FBXL20: variants seen among roughly 807,000 people sequenced by gnomAD.
FBXL20 encodes F-box/LRR-repeat protein 20.
A neutral mutation model predicts 64.0 loss-of-function variants in FBXL20; 11 were observed. That is an observed-to-expected ratio of 0.17 (90% CI 0.11 to 0.28). FBXL20 has a LOEUF of 0.28. Ranked by LOEUF, FBXL20 falls within the 10% of genes least tolerant of loss-of-function variation. The probability of loss-of-function intolerance (pLI) is 1.00; values close to 1 mark genes in which losing one functional copy is unlikely to be tolerated. For missense variants in FBXL20, 303 were observed against 526.2 expected (o/e 0.58, Z 4.15); for synonymous variants, 184 against 189.0 (o/e 0.97, Z 0.22).
intron 1 of FBXL20, among the ~76,000 whole-genome samples, chr17:39,354,577 G>T (rs2047718272): frequency 6.6e-6 from 1 of 152,164 alleles, no homozygotes; most frequent in African/African-American, 2.4e-5. Flanking sequence ...CTAAACTAGT[G>T]CCTAGGAATC....
chr17:39,301,421 T>C (rs2047133618), intron 3 of FBXL20, among the ~76,000 whole-genome samples: 1 of 152,010 alleles, frequency 6.6e-6, no homozygotes, highest in Non-Finnish European at 1.5e-5. Flanking sequence ...CCAGACCCGA[T>C]CCCTATAAAA....
Position 39,329,888 on chromosome 17 carries a change from C to A in FBXL20, c.104+13292G>T, listed in dbSNP as rs1237437271. On this transcript the variant is annotated intron_variant, in intron 2 of 14. Transcript: ENST00000264658. ...TGGCACATGCCTGTAGCCCTAGCTACTAGGCTGGAATGGGAGAATTGCTTG... is the reference window on the plus strand; with the variant it reads ...TGGCACATGCCTGTAGCCCTAGCTAATAGGCTGGAATGGGAGAATTGCTTG... Among the ~76,000 whole-genome samples, 3 of 152,158 alleles carry A rather than the reference C, an allele frequency of 2.0e-5. No individual in the cohort carries two copies. The East Asian group carries it at 5.8e-4, about 29-fold the overall frequency.
intron 1 of FBXL20, among the ~76,000 whole-genome samples, chr17:39,347,126 T>C (rs2047641436): frequency 6.6e-6 from 1 of 152,226 alleles, no homozygotes; most frequent in Non-Finnish European, 1.5e-5. Flanking sequence ...GTCCTTGCTA[T>C]TGTGAATAGT....
intron 2 of FBXL20, among the ~76,000 whole-genome samples, chr17:39,306,060 G>A (rs1291110072): frequency 1.3e-5 from 2 of 152,164 alleles, no homozygotes; most frequent in East Asian, 1.9e-4. Flanking sequence ...AGCTACTTGG[G>A]AAGCTGATGT....
At chr17:39,354,112 G>C (rs2047714006) in intron 1 of FBXL20, among the ~76,000 whole-genome samples, 1 of 152,044 alleles carries the variant, frequency 6.6e-6, no homozygotes. Context: ...TCACATTCTG[G>C]CATCTGTGAA....
chr17:39,401,659 T>G, upstream of FBXL20: 3 of 1,195,474 alleles, frequency 2.5e-6, no homozygotes, highest in African/African-American at 1.7e-5. Flanking sequence ...ACAAAAACAC[T>G]CCCCACCTGC....
chr17:39,287,391 G>T (rs565241673), intron 6 of FBXL20, among the ~76,000 whole-genome samples: 2 of 151,976 alleles, frequency 1.3e-5, no homozygotes, highest in Non-Finnish European at 2.9e-5. Flanking sequence ...CTTTGTGTGG[G>T]CCAATGTTTT....
intron 1 of FBXL20, among the ~76,000 whole-genome samples, chr17:39,364,287 C>T (rs2144622006): frequency 6.6e-6 from 1 of 152,258 alleles, no homozygotes; most frequent in South Asian, 2.1e-4. Context: ...CCCCTTGAAT[C>T]TAGGTTGACA....
chr17:39,402,113 G>C, upstream of FBXL20: 1 of 1,223,958 alleles, frequency 8.2e-7, no homozygotes, highest in Non-Finnish European at 1.0e-6. Flanking sequence ...TTGTTCCCCA[G>C]GATCCTGTAA....
At position 39,319,077 on chromosome 17, in the gene FBXL20, C is replaced by T. The variant is rs988556233; in HGVS notation, c.105-15438G>A. On this transcript the variant is annotated intron_variant, in intron 2 of 14. Transcript: ENST00000264658. ...CAGCCTGGCCAACATGGTGAAACCC[C>T]GTCTCTACTAAAAATACAAAAATTA... Among the ~76,000 whole-genome samples, 15 of 151,852 alleles carry T rather than the reference C, an allele frequency of 9.9e-5. No homozygotes were observed. In the East Asian group the frequency reaches 2.5e-3, roughly 26 times the overall value.
At chr17:39,345,074 CAT>C (rs981839046) in intron 1 of FBXL20, among the ~76,000 whole-genome samples, 6 of 152,304 alleles carry the variant, frequency 3.9e-5, no homozygotes, top group East Asian at 3.9e-4. Flanking sequence ...GGCACATACA[CAT>C]GTGACCGAAG....
chr17:39,382,927 T>C (rs1445065038), intron 1 of FBXL20, among the ~76,000 whole-genome samples: 7 of 151,080 alleles, frequency 4.6e-5, no homozygotes, highest in Admixed American at 2.0e-4. Flanking sequence ...GAGGCCGAAG[T>C]GGGCAGATCA....
chr17:39,301,094 G>C lies in FBXL20; in HGVS notation c.160-19C>G. On this transcript the variant is annotated intron_variant, in intron 3 of 14. Coordinates refer to ENST00000264658, the MANE Select transcript of FBXL20 (RefSeq NM_032875.3). ...TCCAGGCCTATTTTAAAGAAAAAGAGACAGAATGAGCAGAAGCTAAAATTA... is the reference window on the plus strand; with the variant it reads ...TCCAGGCCTATTTTAAAGAAAAAGACACAGAATGAGCAGAAGCTAAAATTA... 1 of 1,608,242 alleles carries C rather than the reference G, an allele frequency of 6.2e-7. No individual in the cohort carries two copies. Among genetic ancestry groups the C allele is most frequent in the Non-Finnish European group, 8.5e-7 (1 of 1,176,324 alleles).
chr17:39,368,357 A>T (rs1017621370), intron 1 of FBXL20, among the ~76,000 whole-genome samples: 1 of 152,164 alleles, frequency 6.6e-6, no homozygotes, highest in African/African-American at 2.4e-5. Context: ...ACACCACTGC[A>T]CTCCAGCCTG....
chr17:39,307,532 T>C (rs2047193950), intron 2 of FBXL20, among the ~76,000 whole-genome samples: 2 of 152,236 alleles, frequency 1.3e-5, no homozygotes, highest in South Asian at 2.1e-4. Context: ...TTCTTAATTA[T>C]GTACCAGGTA....
intron 1 of FBXL20, among the ~76,000 whole-genome samples, chr17:39,377,417 T>C (rs2047977487): frequency 6.6e-6 from 1 of 152,150 alleles, no homozygotes; most frequent in South Asian, 2.1e-4. Context: ...GGGTACTGAT[T>C]TGAGTAATAA....
At chr17:39,374,453 A>G (rs2047947963) in intron 1 of FBXL20, among the ~76,000 whole-genome samples, 1 of 152,036 alleles carries the variant, frequency 6.6e-6, no homozygotes, top group African/African-American at 2.4e-5. Context: ...AGGCATGAGA[A>G]CTGCTTGAAC....
At chr17:39,305,525 T>G (rs2047173970) in intron 2 of FBXL20, among the ~76,000 whole-genome samples, 1 of 152,016 alleles carries the variant, frequency 6.6e-6, no homozygotes, top group African/African-American at 2.4e-5. Context: ...GGCAACACAG[T>G]GAGGCTCCCT....
At chr17:39,373,946 A>G (rs1025082018) in intron 1 of FBXL20, among the ~76,000 whole-genome samples, 6 of 152,124 alleles carry the variant, frequency 3.9e-5, no homozygotes, top group African/African-American at 1.4e-4. Flanking sequence ...TTATGGCCGG[A>G]CACGGTGGTC....
Sources: allele counts gnomAD v4.1 joint callset (sites outside exome capture counted in the v4.1 genomes callset), GRCh38; gene constraint gnomAD v4.1.1; transcripts MANE v1.5; gene names NCBI Gene and HGNC (gene_info 2026-07-23, HGNC 2026-07-21).